FAM168A: variants seen among roughly 807,000 people sequenced by gnomAD.
FAM168A encodes the protein protein FAM168A.
Under a neutral mutation model 28.5 loss-of-function variants are expected in FAM168A, and 3 were observed. That is an observed-to-expected ratio of 0.11 (90% CI 0.05 to 0.27). The LOEUF (loss-of-function observed/expected upper bound fraction) is 0.27. Among genes scored for constraint, FAM168A ranks in the 10% least tolerant of loss-of-function variants. The pLI, the probability that FAM168A is intolerant of heterozygous loss-of-function variation, is 1.00. For synonymous variants in FAM168A, 122 were observed against 124.2 expected, an observed-to-expected ratio of 0.98 and a Z score of 0.12; for missense variants, 222 against 311.5, an observed-to-expected ratio of 0.71 and a Z score of 2.16.
intron 1 of FAM168A, among the ~76,000 whole-genome samples, chr11:73,587,228 C>T (rs1944325278): frequency 6.6e-6 from 1 of 150,386 alleles, no homozygotes; most frequent in South Asian, 2.1e-4. Context: ...CAATGGCTCA[C>T]ACCTGTAATC....
At chr11:73,559,618 G>A (rs1481766902) in intron 1 of FAM168A, among the ~76,000 whole-genome samples, 2 of 152,140 alleles carry the variant, frequency 1.3e-5, no homozygotes, top group African/African-American at 2.4e-5. Context: ...ATTAGTTGCC[G>A]CCAGGGGCTA....
At chr11:73,580,495 A>T in intron 1 of FAM168A, 1 of 616,964 alleles carries the variant, frequency 1.6e-6, no homozygotes, top group Non-Finnish European at 3.1e-6. Flanking sequence ...AGGGACAGAA[A>T]GCTGAAGGTG....
intron 3 of FAM168A, among the ~76,000 whole-genome samples, chr11:73,421,676 C>T (rs1010557667): frequency 6.6e-6 from 1 of 152,176 alleles, no homozygotes; most frequent in Non-Finnish European, 1.5e-5. Context: ...ATCTTATCAA[C>T]ATGTCTCCAA....
At chr11:73,423,325 T>C (rs1448600211) in intron 3 of FAM168A, among the ~76,000 whole-genome samples, 2 of 152,180 alleles carry the variant, frequency 1.3e-5, no homozygotes, top group Non-Finnish European at 2.9e-5. Flanking sequence ...CAGAGCGATA[T>C]ACCTAAGACC....
chr11:73,519,817 C>CAT (rs1419179055), intron 1 of FAM168A, among the ~76,000 whole-genome samples: 8 of 150,844 alleles, frequency 5.3e-5, no homozygotes, highest in Non-Finnish European at 1.0e-4. Context: ...TGTGTGTATA[C>CAT]ATATATATAT....
chr11:73,536,403 C>T (rs1264728242), intron 1 of FAM168A, among the ~76,000 whole-genome samples: 1 of 152,072 alleles, frequency 6.6e-6, no homozygotes, highest in Admixed American at 6.6e-5. Context: ...ATAGGCCTCC[C>T]CAGGCCAAGC....
chr11:73,425,502 T>A (rs4468376), intron 3 of FAM168A, among the ~76,000 whole-genome samples: 1 of 152,250 alleles, frequency 6.6e-6, no homozygotes, highest in Non-Finnish European at 1.5e-5. Context: ...AGGCACTCCA[T>A]CCCTGAAGCC....
intron 3 of FAM168A, among the ~76,000 whole-genome samples, chr11:73,425,561 C>A (rs1247119169): frequency 1.3e-5 from 2 of 152,232 alleles, no homozygotes; most frequent in East Asian, 1.9e-4. Context: ...TAGGGTCAGA[C>A]AAGTTGGGTT....
chr11:73,439,955 T>G (rs928021839), intron 2 of FAM168A, among the ~76,000 whole-genome samples: 23 of 149,592 alleles, frequency 1.5e-4, no homozygotes, highest in Non-Finnish European at 2.4e-4. Context: ...GTGTGATCTC[T>G]GCTCACTGCA....
chr11:73,581,787 C>T (rs1944250314), intron 1 of FAM168A, among the ~76,000 whole-genome samples: 1 of 151,934 alleles, frequency 6.6e-6, no homozygotes, highest in Non-Finnish European at 1.5e-5. Context: ...GGCGCAATCT[C>T]GCCTCGCTGC....
At chr11:73,543,200 G>A (rs547332251) in intron 1 of FAM168A, among the ~76,000 whole-genome samples, 7 of 151,368 alleles carry the variant, frequency 4.6e-5, no homozygotes, top group South Asian at 2.1e-4. Context: ...CTGTATCCCC[G>A]GAGCTAAGAT....
intron 2 of FAM168A, among the ~76,000 whole-genome samples, chr11:73,431,779 C>T (rs1462815190): frequency 1.3e-5 from 2 of 152,074 alleles, no homozygotes; most frequent in South Asian, 2.1e-4. Context: ...TGGTAAAATA[C>T]GTGTAATATA....
At chr11:73,470,103 G>A (rs535648989) in intron 1 of FAM168A, among the ~76,000 whole-genome samples, 1 of 152,096 alleles carries the variant, frequency 6.6e-6, no homozygotes, top group South Asian at 2.1e-4. Flanking sequence ...AGTAGACAGG[G>A]GTTTCACCGT....
At chr11:73,505,033 G>A (rs1034172613) in intron 1 of FAM168A, among the ~76,000 whole-genome samples, 3 of 151,724 alleles carry the variant, frequency 2.0e-5, no homozygotes, top group African/African-American at 7.3e-5. Context: ...AGGGAACTAA[G>A]AGTACGGGTC....
intron 1 of FAM168A, among the ~76,000 whole-genome samples, chr11:73,476,615 T>C (rs1473459541): frequency 6.6e-6 from 1 of 152,010 alleles, no homozygotes; most frequent in East Asian, 1.9e-4. Context: ...ATAAATTTTG[T>C]TCTTGCAGGA....
rs774913792 is a variant in FAM168A, at chr11:73,409,535, C to T, written c.547G>A (p.Gly183Ser). The T allele has an allele frequency of 1.1e-5, 17 of 1,613,912 alleles. No homozygotes were observed. The Admixed American group carries it at 1.2e-4, about 11-fold the overall frequency. The change falls in exon 6 of 8, where the codon GGT becomes AGT. Residue 183 changes from glycine to serine, a missense_variant. This residue lies in a region of FAM168A where 64 missense variants were observed against 94.6 expected (regional missense o/e 0.68). Transcript: ENST00000356467. ...CCTGCCACCATGCCCATGGCCACACCGTTGGTCCTCGGGGCGGCAACAGGT... is the reference window on the plus strand; with the variant it reads ...CCTGCCACCATGCCCATGGCCACACTGTTGGTCCTCGGGGCGGCAACAGGT... The part of the protein sequence containing the change: ...PAPVAAPRTN[G>S]VAMGMVAGTT...
In FAM168A at chr11:73,401,287, G is replaced by A. The variant is rs1442564448; in HGVS notation, c.*5476C>T. On this transcript the variant is annotated 3_prime_UTR_variant, in exon 8 of 8. Coordinates refer to ENST00000356467, the MANE Select transcript of FAM168A (RefSeq NM_015159.3). ...TCATGTGATATGAAACAGGGAAGCAGATGCCTTTAAGTCAGGATGGGGACA... is the reference window on the plus strand; with the variant it reads ...TCATGTGATATGAAACAGGGAAGCAAATGCCTTTAAGTCAGGATGGGGACA... 6.6e-6 allele frequency: 1 copy of A among 152,192 alleles called. No individual in the cohort carries two copies. The highest frequency in any genetic ancestry group is 6.5e-5 in the Admixed American group (1 of 15,278). The allele number at this position is 152,192 out of a possible 1,614,324, so 9.4% of individuals were successfully genotyped here.
intron 1 of FAM168A, among the ~76,000 whole-genome samples, chr11:73,560,057 G>A (rs1464919896): frequency 6.6e-6 from 1 of 151,146 alleles, no homozygotes. Context: ...GGCCAATGAA[G>A]GTTTTTTTCT....
rs1347445091 is a variant in FAM168A at position 73,403,250 on chromosome 11, T to C, written c.*3513A>G. On this transcript the variant is annotated 3_prime_UTR_variant, in exon 8 of 8. Coordinates refer to ENST00000356467, the MANE Select transcript of FAM168A (RefSeq NM_015159.3). ...GAAGAAATTAAATATGCATTTTTTT[T>C]CAAAACATGGCAAACCATTATGTTT... The C allele has an allele frequency of 1.3e-5, 2 of 152,218 alleles. No homozygotes were observed. The highest frequency in any genetic ancestry group is 2.9e-5 in the Non-Finnish European group (2 of 68,042). The allele number at this position is 152,218 out of a possible 1,614,324, so 9.4% of individuals were successfully genotyped here. A position where few individuals can be genotyped will look rare whatever the true frequency, so the allele number is the denominator to read the frequency against.
Sources: gnomAD v4.1 joint callset for allele counts (sites outside exome capture counted in the v4.1 genomes callset) on GRCh38, gnomAD v4.1.1 for gene constraint, gnomAD v4.1.1 regional missense constraint, MANE v1.5 for transcripts, NCBI Gene and HGNC (gene_info 2026-07-23, HGNC 2026-07-21) for gene names.